MAP1B: variants seen among roughly 807,000 people sequenced by gnomAD.
MAP1B encodes the protein microtubule associated protein 1B.
Under a neutral mutation model 176.1 loss-of-function variants are expected in MAP1B, and 12 were observed. The ratio of observed to expected loss-of-function variants is 0.07; its 90% CI spans 0.04 to 0.11. The LOEUF is 0.11. Ranked by LOEUF, MAP1B falls within the 10% of genes least tolerant of loss-of-function variation. MAP1B has a pLI of 1.00. For missense variants in MAP1B, 2,523 were observed against 2,990.5 expected, an observed-to-expected ratio of 0.84 and a Z score of 3.65; for synonymous variants, 1,044 against 1,135.0, an observed-to-expected ratio of 0.92 and a Z score of 1.61.
chr5:72,155,534 A>C (rs1371084877), intron 2 of MAP1B, among the ~76,000 whole-genome samples: 1 of 152,250 alleles, frequency 6.6e-6, no homozygotes, highest in Non-Finnish European at 1.5e-5. Context: ...AAGGTCCTTC[A>C]TTGTGACAAT....
In MAP1B at chr5:72,194,668, T is replaced by G. The variant is rs1747107171; in HGVS notation, c.1313T>G (p.Met438Arg). 8 of 1,614,232 alleles carry G rather than the reference T, an allele frequency of 5.0e-6. No homozygotes were observed. The highest frequency in any genetic ancestry group is 5.9e-6 in the Non-Finnish European group (7 of 1,180,046). Residue 438 changes from methionine to arginine, a missense_variant, in exon 5 of 7, where the codon ATG (methionine) becomes AGG (arginine). Around this residue, in one of 4 missense-constraint regions of MAP1B, gnomAD observed 1,925 missense variants for 2,126.0 expected, o/e 0.91. Coordinates refer to ENST00000296755, the MANE Select transcript of MAP1B (RefSeq NM_005909.5). The surrounding 1 kb of genome is among the most constrained non-coding windows in gnomAD (Gnocchi z 7.2). ...VKSSKEMQYFMQQWTGTNKDK... is the reference protein window; with the variant it reads ...VKSSKEMQYFRQQWTGTNKDK... ...AGCAGCAAGGAAATGCAGTATTTTA[T>G]GCAGCAGTGGACTGGTACCAACAAA...
intron 3 of MAP1B, among the ~76,000 whole-genome samples, chr5:72,184,721 T>C (rs1329333708): frequency 6.6e-6 from 1 of 152,184 alleles, no homozygotes; most frequent in Non-Finnish European, 1.5e-5. Flanking sequence ...TTCTCGGACA[T>C]GAAAGCAGCC....
At position 72,200,147 on chromosome 5, in the gene MAP1B, G is replaced by T; in HGVS notation, c.6792G>T (p.Lys2264Asn). The change falls in exon 5 of 7, where the codon AAG becomes AAT. Residue 2264 changes from lysine (K) to asparagine (N), a missense_variant. Lys to Asn is a moderately conservative substitution (Grantham distance 94). This residue lies in a region of MAP1B where 287 missense variants were observed against 401.5 expected (regional missense o/e 0.71). Coordinates refer to ENST00000296755, the MANE Select transcript of MAP1B (RefSeq NM_005909.5). ...SSSPVKKSDGKSKPLAASPKP... is the reference protein window; with the variant it reads ...SSSPVKKSDGNSKPLAASPKP... ...CACCTGTCAAAAAGAGTGATGGGAA[G>T]TCTAAGCCCTTGGCAGCTTCACCAA... is the stretch of plus-strand genomic sequence containing the variant. The T allele has an allele frequency of 6.2e-7, 1 of 1,614,248 alleles. No individual in the cohort carries two copies. The highest frequency in any genetic ancestry group is 8.5e-7 in the Non-Finnish European group (1 of 1,180,052).
At chr5:72,122,301 T>C (rs138557354) in intron 2 of MAP1B, among the ~76,000 whole-genome samples, 68 of 152,098 alleles carry the variant, frequency 4.5e-4, no homozygotes, top group East Asian at 4.1e-3. Flanking sequence ...AGTGCTCCCA[T>C]TGAGACTTTG....
intron 1 of MAP1B, among the ~76,000 whole-genome samples, chr5:72,110,537 A>C (rs1486307312): frequency 2.0e-5 from 3 of 152,214 alleles, no homozygotes; most frequent in African/African-American, 7.2e-5. Context: ...GTGCACGACA[A>C]GCTGCTGCTT....
intron 4 of MAP1B, among the ~76,000 whole-genome samples, chr5:72,188,290 C>T (rs1746956472): frequency 6.6e-6 from 1 of 152,204 alleles, no homozygotes; most frequent in Admixed American, 6.5e-5. Context: ...TGTCTAGTAG[C>T]TCTGGGGTCA....
intron 2 of MAP1B, among the ~76,000 whole-genome samples, chr5:72,182,058 C>T (rs1362916220): frequency 8.4e-6 from 1 of 118,370 alleles, no homozygotes; most frequent in South Asian, 2.9e-4. Context: ...GACACGGGGT[C>T]TCACTTTGTT....
In MAP1B at chr5:72,107,563, C is replaced by T; in HGVS notation, c.32C>T (p.Pro11Leu). 1 of 1,583,476 alleles carries T rather than the reference C, an allele frequency of 6.3e-7. No homozygotes were observed. Among genetic ancestry groups the T allele is most frequent in the Non-Finnish European group, 8.5e-7 (1 of 1,170,708 alleles). MATVVVEATE[P>L]EPSGSIANPA... ...ACCGTGGTGGTGGAAGCCACCGAGC[C>T]GGAGCCGTCCGGCAGCATCGCCAAC... is the stretch of plus-strand genomic sequence containing the variant. The change falls in exon 1 of 7, where the codon CCG becomes CTG. Residue 11 changes from proline (P) to leucine (L), a missense_variant. Around this residue, in one of 4 missense-constraint regions of MAP1B, gnomAD observed 307 missense variants for 438.4 expected, o/e 0.70. Coordinates refer to ENST00000296755, the MANE Select transcript of MAP1B (RefSeq NM_005909.5).
chr5:72,171,423 A>G (rs1314370508), intron 2 of MAP1B, among the ~76,000 whole-genome samples: 1 of 152,104 alleles, frequency 6.6e-6, no homozygotes, highest in African/African-American at 2.4e-5. Flanking sequence ...CCCCATCTCT[A>G]CAAAAAACAG....
chr5:72,109,269 G>A (rs1745258525), intron 1 of MAP1B, among the ~76,000 whole-genome samples: 1 of 151,334 alleles, frequency 6.6e-6, no homozygotes, highest in African/African-American at 2.4e-5. Flanking sequence ...TGAGCAGAAA[G>A]TCATAGTATT....
chr5:72,182,595 G>C (rs1459937592), intron 2 of MAP1B, among the ~76,000 whole-genome samples: 1 of 152,130 alleles, frequency 6.6e-6, no homozygotes, highest in African/African-American at 2.4e-5. Flanking sequence ...GGGCTTGCTG[G>C]GTCATACAGT....
intron 6 of MAP1B, 68 bp downstream of exon 6, chr5:72,203,869 T>C: frequency 2.7e-6 from 4 of 1,465,162 alleles, no homozygotes; most frequent in East Asian, 4.6e-5. Context: ...GAAGGAACCA[T>C]GTTTAAAGAG....
At chr5:72,125,273 T>G (rs994491398) in intron 2 of MAP1B, among the ~76,000 whole-genome samples, 1 of 152,202 alleles carries the variant, frequency 6.6e-6, no homozygotes, top group African/African-American at 2.4e-5. Context: ...CCCCACAAGA[T>G]GCTCAAGTGC....
Position 72,120,510 on chromosome 5 carries a change from C to G in MAP1B, c.286+4711C>G, listed in dbSNP as rs576544047. ...CGCAATCTCGGCTCACAGCAAGCTC[C>G]GCCTCCCGGGTTCACACCATTCTCC... is the stretch of plus-strand genomic sequence containing the variant. On this transcript the variant is annotated intron_variant, in intron 2 of 6. Coordinates refer to ENST00000296755, the MANE Select transcript of MAP1B (RefSeq NM_005909.5). 1.4e-3 allele frequency among the ~76,000 whole-genome samples: 218 copies of G among 151,758 alleles called. 1 individual carries two copies. Among genetic ancestry groups the G allele is most frequent in the African/African-American group, 5.2e-3 (214 of 41,370 alleles).
At position 72,197,817 on chromosome 5, in the gene MAP1B, C is replaced by T; in HGVS notation, c.4462C>T (p.Pro1488Ser). The change falls in exon 5 of 7, where the codon CCA becomes TCA. Residue 1488 changes from proline (P) to serine (S), a missense_variant. Transcript: ENST00000296755. ...TDDVEAMSSQ[P>S]ALALDERKLG... ...TGATGTTGAAGCCATGAGTTCTCAA[C>T]CAGCACTGGCTCTGGATGAAAGGAA... 6.2e-7 allele frequency: 1 copy of T among 1,614,218 alleles called. No individual in the cohort carries two copies. The highest frequency in any genetic ancestry group is 8.5e-7 in the Non-Finnish European group (1 of 1,180,032).
At chr5:72,114,399 C>A (rs1328749944) in intron 1 of MAP1B, among the ~76,000 whole-genome samples, 1 of 152,146 alleles carries the variant, frequency 6.6e-6, no homozygotes, top group Non-Finnish European at 1.5e-5. Context: ...AAAATGATTA[C>A]ATGACTGGGT....
At chr5:72,161,531 G>T (rs930060271) in intron 2 of MAP1B, among the ~76,000 whole-genome samples, 3 of 152,204 alleles carry the variant, frequency 2.0e-5, no homozygotes, top group African/African-American at 4.8e-5. Flanking sequence ...GGACAGGGAA[G>T]TTGCAGTTGG....
Position 72,197,655 on chromosome 5 carries a change from G to A in MAP1B, c.4300G>A (p.Gly1434Arg), listed in dbSNP as rs1434536735. The A allele has an allele frequency of 6.2e-7, 1 of 1,614,186 alleles. No homozygotes were observed. The highest frequency in any genetic ancestry group is 2.2e-5 in the East Asian group (1 of 44,882). Residue 1434 changes from glycine to arginine, a missense_variant, in exon 5 of 7, where the codon GGA (glycine) becomes AGA (arginine). Gly to Arg is a moderately radical substitution (Grantham distance 125, BLOSUM62 -2). Around this residue, in one of 4 missense-constraint regions of MAP1B, gnomAD observed 1,925 missense variants for 2,126.0 expected, o/e 0.91. Coordinates refer to ENST00000296755, the MANE Select transcript of MAP1B (RefSeq NM_005909.5). ...CGAAAGTCCTTTTGAAGAAAAGAGT[G>A]GAAAACAAGGCTCTCCAGACCAAGT... Reference protein sequence around the residue: ...GAESPFEEKSGKQGSPDQVSP... With the variant: ...GAESPFEEKSRKQGSPDQVSP...
chr5:72,149,663 A>AC (rs1216228702), intron 2 of MAP1B, among the ~76,000 whole-genome samples: 5 of 152,042 alleles, frequency 3.3e-5, no homozygotes, highest in African/African-American at 1.2e-4. Context: ...CTCTTCTGTC[A>AC]CCCCTCTGTG....
Sources: allele counts gnomAD v4.1 joint callset (sites outside exome capture counted in the v4.1 genomes callset), GRCh38; gene constraint gnomAD v4.1.1; regional missense constraint gnomAD v4.1.1; non-coding constraint Gnocchi (gnomAD v3.1); transcripts MANE v1.5; gene names NCBI Gene and HGNC (gene_info 2026-07-23, HGNC 2026-07-21).